The following PLAC1 variants were observed in gnomAD, a reference collection of about 807,000 sequenced individuals.
The protein encoded by PLAC1 is placenta-specific protein 1.
For missense variants in PLAC1, 136 were observed against 163.2 expected (o/e 0.83, Z 0.91); for synonymous variants, 68 against 62.1 (o/e 1.09, Z -0.44).
intron 2 of PLAC1, among the ~76,000 whole-genome samples, chrX:134,594,633 T>G (rs775312688): frequency 1.8e-5 from 2 of 111,212 alleles, no homozygotes; most frequent in South Asian, 7.5e-4. Context: ...TTCAAGGAAT[T>G]GGTTCATTGT....
intron 1 of PLAC1, among the ~76,000 whole-genome samples, chrX:134,644,977 C>A (rs1199082989): frequency 9.0e-6 from 1 of 111,393 alleles, no homozygotes; most frequent in African/African-American, 3.3e-5. Context: ...GCTTAAAAAT[C>A]TCTGGTGGCT....
At chrX:134,573,001 AAG>A (rs1331982370) in intron 2 of PLAC1, among the ~76,000 whole-genome samples, 2 of 111,960 alleles carry the variant, frequency 1.8e-5, no homozygotes, top group South Asian at 7.5e-4. Flanking sequence ...AGCTCCTTGT[AAG>A]AGAGAAATTT....
rs534098603 is a variant in PLAC1 at position 134,637,960 on chromosome X, G to A, written c.-131+20368C>T. On this transcript the variant is annotated intron_variant, in intron 1 of 2. Transcript: ENST00000359237. ...CACAGCAGGTGCTCAATAAATTTTTGTGGAATGAAAGAAAAAATGGATGAC... is the reference window on the plus strand; with the variant it reads ...CACAGCAGGTGCTCAATAAATTTTTATGGAATGAAAGAAAAAATGGATGAC... Among the ~76,000 whole-genome samples the A allele has an allele frequency of 8.0e-5, 9 of 112,368 alleles. No individual in the cohort carries two copies. The South Asian group carries it at 3.3e-3, about 42-fold the overall frequency.
chrX:134,753,484 T>C (rs1489746324), intron 1 of PLAC1, among the ~76,000 whole-genome samples: 2 of 110,289 alleles, frequency 1.8e-5, no homozygotes, highest in African/African-American at 6.6e-5. Flanking sequence ...CAGCTCCTAA[T>C]GTATCGCTCA....
At chrX:134,757,653 C>T (rs1474774100) in intron 1 of PLAC1, among the ~76,000 whole-genome samples, 1 of 111,130 alleles carries the variant, frequency 9.0e-6, no homozygotes, top group Non-Finnish European at 1.9e-5. Context: ...AATATTCTGT[C>T]AATCTTAAAT....
intron 1 of PLAC1, among the ~76,000 whole-genome samples, chrX:134,744,523 G>A (rs919224206): frequency 7.2e-5 from 8 of 111,542 alleles, no homozygotes; most frequent in Non-Finnish European, 1.5e-4. Context: ...TGTCCCCGCT[G>A]GGTTATAGTG....
intron 2 of PLAC1, among the ~76,000 whole-genome samples, chrX:134,718,441 C>T: frequency 8.9e-6 from 1 of 112,424 alleles, no homozygotes; most frequent in Non-Finnish European, 1.9e-5. Context: ...CCTTCTTGGA[C>T]TTCAGTGAGT....
At chrX:134,646,351 G>A (rs112614835) in intron 1 of PLAC1, among the ~76,000 whole-genome samples, 2 of 111,996 alleles carry the variant, frequency 1.8e-5, no homozygotes, top group Admixed American at 1.9e-4. Context: ...TCCCTTTTCC[G>A]TTTTCTAATT....
intron 1 of PLAC1, among the ~76,000 whole-genome samples, chrX:134,645,525 C>A (rs2078328693): frequency 9.0e-6 from 1 of 111,473 alleles, no homozygotes; most frequent in African/African-American, 3.3e-5. Context: ...CTGACCTTCT[C>A]TTCCTTTTGT....
chrX:134,710,588 T>C (rs1382210733), intron 2 of PLAC1, among the ~76,000 whole-genome samples: 2 of 111,919 alleles, frequency 1.8e-5, no homozygotes, highest in African/African-American at 6.5e-5. Context: ...AAAGGAGGAA[T>C]GAATAAATTA....
intron 1 of PLAC1, among the ~76,000 whole-genome samples, chrX:134,612,835 C>A (rs1393056950): frequency 9.0e-6 from 1 of 111,305 alleles, no homozygotes; most frequent in African/African-American, 3.3e-5. Flanking sequence ...GTGCTGAATC[C>A]AGCCTCTAAG....
intron 2 of PLAC1, among the ~76,000 whole-genome samples, chrX:134,569,785 TGTTTGTG>T (rs1569373093): frequency 1.0e-5 from 1 of 99,355 alleles, no homozygotes; most frequent in African/African-American, 4.2e-5. Flanking sequence ...TGTGTGTGTG[TGTTTGTG>T]TGTGTGTGTG....
At chrX:134,740,318 CAAA>C (rs77285641) in intron 1 of PLAC1, among the ~76,000 whole-genome samples, 2 of 50,803 alleles carry the variant, frequency 3.9e-5, no homozygotes. Context: ...ATTCCGTCTC[CAAA>C]AAAAAAAAAA....
At chrX:134,680,229 G>A (rs1272477911) in intron 2 of PLAC1, among the ~76,000 whole-genome samples, 1 of 111,956 alleles carries the variant, frequency 8.9e-6, no homozygotes, top group Non-Finnish European at 1.9e-5. Flanking sequence ...ACGACCCTAA[G>A]AAGTAGTATC....
intron 2 of PLAC1, among the ~76,000 whole-genome samples, chrX:134,706,866 A>C (rs2078606262): frequency 8.9e-6 from 1 of 112,012 alleles, no homozygotes; most frequent in African/African-American, 3.2e-5. Context: ...GAAATTACCA[A>C]GGACAAACAA....
At chrX:134,647,480 C>T (rs2078340186) in intron 1 of PLAC1, among the ~76,000 whole-genome samples, 1 of 108,019 alleles carries the variant, frequency 9.3e-6, no homozygotes, top group Non-Finnish European at 1.9e-5. Flanking sequence ...CCCCCAGCCT[C>T]AGCCTCTCTG....
At position 134,732,710 on chromosome X, in the gene PLAC1, C is replaced by T. The variant is rs1422013768; in HGVS notation, n.174+725G>A. ...AACCTTGAGCTTTATTAGAATGAAACATCAGCCTCCTGAGTCAGGAACGGA... is the reference window on the plus strand; with the variant it reads ...AACCTTGAGCTTTATTAGAATGAAATATCAGCCTCCTGAGTCAGGAACGGA... On this transcript the variant is annotated intron_variant and non_coding_transcript_variant, in intron 2 of 2. Coordinates refer to the PLAC1 transcript ENST00000466797. 5.4e-5 allele frequency among the ~76,000 whole-genome samples: 6 copies of T among 111,437 alleles called. No homozygotes were observed. In the Admixed American group the frequency reaches 5.7e-4, roughly 11 times the overall value.
intron 2 of PLAC1, among the ~76,000 whole-genome samples, chrX:134,680,913 C>T (rs2147816051): frequency 9.0e-6 from 1 of 111,482 alleles, no homozygotes; most frequent in South Asian, 3.8e-4. Context: ...TGCAAAGGAC[C>T]CAAGTGCCCA....
chrX:134,707,200 G>A (rs1487210475), intron 2 of PLAC1, among the ~76,000 whole-genome samples: 1 of 112,402 alleles, frequency 8.9e-6, no homozygotes, highest in Non-Finnish European at 1.9e-5. Flanking sequence ...GAAAAGAACT[G>A]CCAGCACAGA....
Sources: gnomAD v4.1 joint callset for allele counts (sites outside exome capture counted in the v4.1 genomes callset) on GRCh38, gnomAD v4.1.1 for gene constraint, MANE v1.5 for transcripts, NCBI Gene and HGNC (gene_info 2026-07-23, HGNC 2026-07-21) for gene names.